Variants in ESRP1 observed in about 807,000 individuals in gnomAD.
ESRP1 encodes RNA-binding motif protein 35A.
Under a neutral mutation model 81.7 loss-of-function variants are expected in ESRP1, and 33 were observed. That is an observed-to-expected ratio of 0.40 (90% CI 0.31 to 0.54). ESRP1 has a LOEUF of 0.54. Among genes scored for constraint, ESRP1 ranks in the 20% least tolerant of loss-of-function variants. The probability of loss-of-function intolerance (pLI) is 0.41; values close to 1 mark genes in which losing one functional copy is unlikely to be tolerated. For missense variants in ESRP1, 672 were observed against 833.1 expected (o/e 0.81, Z 2.38); for synonymous variants, 320 against 303.3 (o/e 1.06, Z -0.57).
chr8:94,669,587 C>T (rs62523420), intron 10 of ESRP1, among the ~76,000 whole-genome samples: 17,389 of 152,018 alleles, frequency 0.11, 1,227 homozygotes, highest in Admixed American at 0.17. Flanking sequence ...TAAATCTGGC[C>T]AGGCGCAGTG....
chr8:94,700,937 A>ATGTGTGTGTGTGTGTATGTGTGTG (rs1181413946), intron 15 of ESRP1, among the ~76,000 whole-genome samples: 16 of 125,738 alleles, frequency 1.3e-4, no homozygotes, highest in Non-Finnish European at 1.6e-5. Context: ...TCAAAAAAAA[A>ATGTGTGTGTGTGTGTATGTGTGTG]TGTGTGTGTG....
chr8:94,648,780 C>T (rs188944668), intron 4 of ESRP1, among the ~76,000 whole-genome samples: 2 of 152,194 alleles, frequency 1.3e-5, no homozygotes, highest in East Asian at 3.9e-4. Flanking sequence ...TTTTTTTTGT[C>T]GTGAAATACT....
intron 12 of ESRP1, among the ~76,000 whole-genome samples, chr8:94,676,563 A>G (rs569477934): frequency 6.6e-6 from 1 of 151,830 alleles, no homozygotes; most frequent in African/African-American, 2.4e-5. Flanking sequence ...GCAGTGGCTC[A>G]GTCTTGGCTC....
chr8:94,648,139 C>T (rs756534525), intron 4 of ESRP1, among the ~76,000 whole-genome samples: 3 of 152,170 alleles, frequency 2.0e-5, no homozygotes, highest in African/African-American at 7.2e-5. Flanking sequence ...AGACTGTAGT[C>T]CTAGCTACTT....
At chr8:94,643,461 G>A (rs757052481) in intron 3 of ESRP1, 45 bp downstream of exon 3, 2 of 1,321,990 alleles carry the variant, frequency 1.5e-6, no homozygotes, top group Non-Finnish European at 1.1e-6. Context: ...GAGCTTTGGG[G>A]TGACTGGAGG....
At chr8:94,680,380 T>A (rs1159780717) in intron 13 of ESRP1, among the ~76,000 whole-genome samples, 1 of 152,230 alleles carries the variant, frequency 6.6e-6, no homozygotes, top group Non-Finnish European at 1.5e-5. Context: ...TCTGGTATGA[T>A]TTAAAAAGCA....
At chr8:94,654,406 C>T (rs10956923) in intron 4 of ESRP1, among the ~76,000 whole-genome samples, 104,640 of 152,070 alleles carry the variant, frequency 0.69, 36,375 homozygotes, top group East Asian at 0.96. Context: ...AGACTTGTTA[C>T]CAAGGAGTCT....
chr8:94,646,522 A>C (rs1817861093), intron 4 of ESRP1: 1 of 341,856 alleles, frequency 2.9e-6, no homozygotes, highest in Non-Finnish European at 5.3e-6. Context: ...TCACATGTAG[A>C]ATAGGATTCA....
chr8:94,662,594 TG>T (rs1453902735), intron 6 of ESRP1, 39 bp downstream of exon 6: 4 of 1,423,554 alleles, frequency 2.8e-6, no homozygotes, highest in Non-Finnish European at 2.8e-6. Context: ...CTTTTTAACT[TG>T]TTTTTTTTTT....
chr8:94,669,337 A>G (rs1819188765), intron 10 of ESRP1, among the ~76,000 whole-genome samples: 2 of 152,114 alleles, frequency 1.3e-5, no homozygotes, highest in African/African-American at 4.8e-5. Context: ...CTTTGTAAGT[A>G]TTTAGGATAC....
Position 94,655,388 on chromosome 8 carries a change from C to CTT in ESRP1, c.491-6871_491-6870dup, listed in dbSNP as rs35393650. 6.1e-3 allele frequency among the ~76,000 whole-genome samples: 856 copies of CTT among 139,330 alleles called. 3 individuals carry two copies. The highest frequency in any genetic ancestry group is 0.022 in the Middle Eastern group (6 of 268). 91.4% of individuals were successfully genotyped at this position (139,330 alleles called of 152,430 possible). On this transcript the variant is annotated intron_variant, in intron 4 of 15. Coordinates refer to ENST00000433389, the MANE Select transcript of ESRP1 (RefSeq NM_017697.4). ...AGGGGTGAGCCACCACACTTGGCAT[C>CTT]TTTTTTTTTTTTTTAATTTTATTTT...
At position 94,706,295 on chromosome 8, in the gene ESRP1, G is replaced by T; in HGVS notation, c.*406G>T. On this transcript the variant is annotated 3_prime_UTR_variant, in exon 16 of 16. Coordinates refer to ENST00000433389, the MANE Select transcript of ESRP1 (RefSeq NM_017697.4). ...CTCCACCATGAACTCTGTTAAGGAA[G>T]CTTCATTTTTGTATATTCCCGCTCT... The T allele has an allele frequency of 4.5e-6, 1 of 219,822 alleles. No homozygotes were observed. 13.6% of individuals were successfully genotyped at this position (219,822 alleles called of 1,614,324 possible). A position where few individuals can be genotyped will look rare whatever the true frequency, so the allele number is the denominator to read the frequency against.
In ESRP1 at chr8:94,651,987, CTTTTTTTTTT is replaced by C. The variant is rs35903773; in HGVS notation, c.490+5719_490+5728del. On this transcript the variant is annotated intron_variant, in intron 4 of 15. Coordinates refer to ENST00000433389, the MANE Select transcript of ESRP1 (RefSeq NM_017697.4). ...TGTCTTTGTATTTGTTCTAAAACGCCTTTTTTTTTTTTTTTTTTTTTTTGACAGAGTTTCT... is the reference window on the plus strand; with the variant it reads ...TGTCTTTGTATTTGTTCTAAAACGCCTTTTTTTTTTTTTGACAGAGTTTCT... 4.3e-4 allele frequency among the ~76,000 whole-genome samples: 28 copies of C among 65,224 alleles called. No homozygotes were observed. In the East Asian group the frequency reaches 0.012, roughly 28 times the overall value. The allele number at this position is 65,224 out of a possible 152,430, so 42.8% of individuals were successfully genotyped here. A position where few individuals can be genotyped will look rare whatever the true frequency, so the allele number is the denominator to read the frequency against.
chr8:94,689,743 G>A (rs1413445027), intron 13 of ESRP1, among the ~76,000 whole-genome samples: 1 of 149,114 alleles, frequency 6.7e-6, no homozygotes, highest in East Asian at 2.0e-4. Flanking sequence ...TGCCTCCTGG[G>A]TTCAAGTGAT....
intron 4 of ESRP1, among the ~76,000 whole-genome samples, chr8:94,653,991 G>A (rs1247469461): frequency 6.6e-6 from 1 of 152,146 alleles, no homozygotes; most frequent in Non-Finnish European, 1.5e-5. Flanking sequence ...CCAGCCCTCA[G>A]ACTGATGTTA....
intron 13 of ESRP1, among the ~76,000 whole-genome samples, chr8:94,678,630 A>G (rs1029427472): frequency 6.6e-6 from 1 of 152,136 alleles, no homozygotes; most frequent in African/African-American, 2.4e-5. Flanking sequence ...CTGTCATAGG[A>G]CCCCAAGTGA....
At chr8:94,681,622 G>A (rs187846192) in intron 13 of ESRP1, among the ~76,000 whole-genome samples, 117 of 152,172 alleles carry the variant, frequency 7.7e-4, no homozygotes, top group Middle Eastern at 3.4e-3. Context: ...GGGCGTCACA[G>A]CGAGACTCCG....
intron 13 of ESRP1, among the ~76,000 whole-genome samples, chr8:94,681,599 T>C (rs1186804216): frequency 3.9e-5 from 6 of 152,088 alleles, no homozygotes; most frequent in Non-Finnish European, 5.9e-5. Context: ...ATTGTGCCAC[T>C]GCACTCCAGC....
At position 94,696,835 on chromosome 8, in the gene ESRP1, T is replaced by C. The variant is rs1486052680; in HGVS notation, c.1972-17T>C. On this transcript the variant is annotated splice_polypyrimidine_tract_variant and intron_variant, in intron 14 of 15. Coordinates refer to ENST00000433389, the MANE Select transcript of ESRP1 (RefSeq NM_017697.4). Reference sequence around the variant, plus strand: ...TTGTCCGTCTTTTGATCTTGTTTGTTTTAACTTGCATTTTAGTATGCAACC... The same window carrying C: ...TTGTCCGTCTTTTGATCTTGTTTGTCTTAACTTGCATTTTAGTATGCAACC... 8 of 1,553,306 alleles carry C rather than the reference T, an allele frequency of 5.2e-6. No individual in the cohort carries two copies. Among genetic ancestry groups the C allele is most frequent in the Non-Finnish European group, 7.0e-6 (8 of 1,146,956 alleles).
Sources: gnomAD v4.1 joint callset for allele counts (sites outside exome capture counted in the v4.1 genomes callset) on GRCh38, gnomAD v4.1.1 for gene constraint, MANE v1.5 for transcripts, NCBI Gene and HGNC (gene_info 2026-07-23, HGNC 2026-07-21) for gene names.